The following ULK4 variants were observed in gnomAD, a reference collection of about 807,000 sequenced individuals.
The protein encoded by ULK4 is unc-51 like kinase 4.
A neutral mutation model predicts 160.6 loss-of-function variants in ULK4; 133 were observed. The ratio of observed to expected loss-of-function variants is 0.83; its 90% CI spans 0.72 to 0.96. The LOEUF (loss-of-function observed/expected upper bound fraction) is 0.96. Among genes scored for constraint, ULK4 ranks in the 40% least tolerant of loss-of-function variants. The probability of loss-of-function intolerance (pLI) is 0.00; values close to 1 mark genes in which losing one functional copy is unlikely to be tolerated. For missense variants in ULK4, 1,580 were observed against 1,499.5 expected (o/e 1.05, Z -0.89); for synonymous variants, 534 against 539.8 (o/e 0.99, Z 0.15).
At chr3:41,853,028 G>A (rs2042254211) in intron 17 of ULK4, among the ~76,000 whole-genome samples, 1 of 152,164 alleles carries the variant, frequency 6.6e-6, no homozygotes, top group Non-Finnish European at 1.5e-5. Flanking sequence ...CTGGGAGTCT[G>A]CTAGGCTGGA....
At chr3:41,574,381 G>A (rs908961043) in intron 31 of ULK4, among the ~76,000 whole-genome samples, 1 of 151,742 alleles carries the variant, frequency 6.6e-6, no homozygotes, top group Non-Finnish European at 1.5e-5. Context: ...AAGTACCCTC[G>A]AATCTCCCTT....
At chr3:41,464,658 T>C (rs1354852736) in intron 32 of ULK4, among the ~76,000 whole-genome samples, 1 of 152,202 alleles carries the variant, frequency 6.6e-6, no homozygotes, top group Non-Finnish European at 1.5e-5. Flanking sequence ...CTTGAAAACA[T>C]AGTATTTGGT....
intron 35 of ULK4, among the ~76,000 whole-genome samples, chr3:41,252,795 A>C (rs1463145996): frequency 6.6e-6 from 1 of 152,116 alleles, no homozygotes; most frequent in East Asian, 1.9e-4. Flanking sequence ...ATAAATCTAC[A>C]GATTCAAGAA....
chr3:41,469,617 A>AC (rs1553675707), intron 32 of ULK4, among the ~76,000 whole-genome samples: 1 of 148,424 alleles, frequency 6.7e-6, no homozygotes, highest in East Asian at 1.9e-4. Flanking sequence ...AAAAAAAAAA[A>AC]AAAAAAAAAA....
chr3:41,602,345 GGGAAA>G (rs141721763), intron 31 of ULK4, among the ~76,000 whole-genome samples: 6,157 of 140,262 alleles, frequency 0.044, 247 homozygotes, highest in Non-Finnish European at 0.07. Flanking sequence ...AAAGGAGGAA[GGGAAA>G]GGAAAGGAAA....
At chr3:41,531,865 T>G (rs2086332345) in intron 32 of ULK4, among the ~76,000 whole-genome samples, 1 of 152,208 alleles carries the variant, frequency 6.6e-6, no homozygotes, top group South Asian at 2.1e-4. Context: ...TAACCCCAGA[T>G]AGATTCTCAC....
intron 19 of ULK4, among the ~76,000 whole-genome samples, chr3:41,803,165 C>T (rs2040518671): frequency 8.6e-6 from 1 of 116,154 alleles, no homozygotes; most frequent in African/African-American, 5.9e-5. Context: ...GAGCAAGACT[C>T]CATCTCAAAA....
chr3:41,751,104 AT>A (rs1182448434), intron 22 of ULK4, among the ~76,000 whole-genome samples: 1 of 151,284 alleles, frequency 6.6e-6, no homozygotes, highest in African/African-American at 2.4e-5. Context: ...GTTTCCCTAA[AT>A]GGGCTGGGAC....
intron 31 of ULK4, among the ~76,000 whole-genome samples, chr3:41,602,513 A>G (rs559856793): frequency 6.6e-6 from 1 of 152,228 alleles, no homozygotes; most frequent in East Asian, 1.9e-4. Flanking sequence ...TGGCAAATAT[A>G]CCACAGCTAT....
chr3:41,491,415 C>A (rs927573319), intron 32 of ULK4, among the ~76,000 whole-genome samples: 3 of 151,896 alleles, frequency 2.0e-5, no homozygotes, highest in Admixed American at 1.3e-4. Flanking sequence ...TGTAACAATA[C>A]TACAAAAATT....
intron 17 of ULK4, among the ~76,000 whole-genome samples, chr3:41,844,784 T>G (rs2042023718): frequency 1.2e-5 from 1 of 80,166 alleles, no homozygotes. Context: ...ACTTTGGAGG[T>G]TTTTCTAAAA....
Position 41,883,739 on chromosome 3 carries a change from A to G in ULK4, c.1656+135T>C. ...TTAAGCCTAAAGGTCTGTTGAGGTA[A>G]CAGTTTTAGAACGATTGCCACAATC... is the stretch of plus-strand genomic sequence containing the variant. On this transcript the variant is annotated intron_variant, in intron 17 of 36. Transcript: ENST00000301831. 9.9e-6 allele frequency: 8 copies of G among 805,158 alleles called. No homozygotes were observed. The South Asian group carries it at 1.2e-4, about 12-fold the overall frequency. 49.9% of individuals were successfully genotyped at this position (805,158 alleles called of 1,614,324 possible).
chr3:41,737,445 T>TA (rs2038094134), intron 22 of ULK4, among the ~76,000 whole-genome samples: 1 of 151,744 alleles, frequency 6.6e-6, no homozygotes, highest in Non-Finnish European at 1.5e-5. Context: ...CTGCCCAAGG[T>TA]AATTTATAGA....
intron 22 of ULK4, among the ~76,000 whole-genome samples, chr3:41,743,700 C>T (rs188743235): frequency 6.6e-6 from 1 of 152,018 alleles, no homozygotes; most frequent in Non-Finnish European, 1.5e-5. Context: ...GAGCCTTGCT[C>T]TGTTGCCCAG....
Position 41,404,618 on chromosome 3 carries a change from T to C in ULK4, c.3493-6354A>G, listed in dbSNP as rs549954246. Among the ~76,000 whole-genome samples, 165 of 152,204 alleles carry C rather than the reference T, an allele frequency of 1.1e-3. 1 individual carries two copies. Among genetic ancestry groups the C allele is most frequent in the African/African-American group, 3.8e-3 (157 of 41,526 alleles). On this transcript the variant is annotated intron_variant, in intron 34 of 36. Coordinates refer to ENST00000301831, the MANE Select transcript of ULK4 (RefSeq NM_017886.4). Reference sequence around the variant, plus strand: ...GGAGGTGGAACCTTTAAGAGGTGAGTAAGCCATGATGGTTCTACCCTCATA... The same window carrying C: ...GGAGGTGGAACCTTTAAGAGGTGAGCAAGCCATGATGGTTCTACCCTCATA...
At chr3:41,494,617 T>C (rs931737784) in intron 32 of ULK4, among the ~76,000 whole-genome samples, 6 of 152,058 alleles carry the variant, frequency 3.9e-5, no homozygotes, top group African/African-American at 9.7e-5. Context: ...GGGCATTCAA[T>C]TAGGAAAAGA....
chr3:41,656,838 C>G (rs1692962927), intron 30 of ULK4, among the ~76,000 whole-genome samples: 1 of 151,770 alleles, frequency 6.6e-6, no homozygotes, highest in South Asian at 2.1e-4. Context: ...TTTTGCAATA[C>G]AGGAAAACAG....
At chr3:41,372,217 C>T (rs910324558) in intron 35 of ULK4, among the ~76,000 whole-genome samples, 5 of 152,276 alleles carry the variant, frequency 3.3e-5, no homozygotes, top group Middle Eastern at 3.4e-3. Flanking sequence ...TTGGAAAACA[C>T]TCTGCAGGAT....
chr3:41,932,648 T>C (rs1699638468), intron 4 of ULK4, among the ~76,000 whole-genome samples: 1 of 152,234 alleles, frequency 6.6e-6, no homozygotes, highest in Non-Finnish European at 1.5e-5. Context: ...CTATGGATTG[T>C]TGAAAACATG....
Sources: allele counts gnomAD v4.1 joint callset (sites outside exome capture counted in the v4.1 genomes callset), GRCh38; gene constraint gnomAD v4.1.1; transcripts MANE v1.5; gene names NCBI Gene and HGNC (gene_info 2026-07-23, HGNC 2026-07-21).